BABAM2: variants seen among roughly 807,000 people sequenced by gnomAD.
BABAM2 encodes BRISC and BRCA1 A complex member 2.
Under a neutral mutation model 54.7 loss-of-function variants are expected in BABAM2, and 31 were observed. That is an observed-to-expected ratio of 0.57 (90% CI 0.43 to 0.77). The LOEUF is 0.77. Ranked by LOEUF, BABAM2 falls within the 30% of genes least tolerant of loss-of-function variation. The pLI, the probability that BABAM2 is intolerant of heterozygous loss-of-function variation, is 0.00. For missense variants in BABAM2, 364 were observed against 455.8 expected, an observed-to-expected ratio of 0.80 and a Z score of 1.83; for synonymous variants, 167 against 162.9, an observed-to-expected ratio of 1.03 and a Z score of -0.19.
intron 6 of BABAM2, among the ~76,000 whole-genome samples, chr2:28,125,708 A>G (rs1669466524): frequency 6.6e-6 from 1 of 152,254 alleles, no homozygotes; most frequent in South Asian, 2.1e-4. Flanking sequence ...AAGTTCCACT[A>G]CTAACAAATG....
intron 2 of BABAM2, chr2:27,896,129 G>C (rs1665295333): frequency 6.6e-6 from 1 of 152,132 alleles, no homozygotes; most frequent in Admixed American, 6.5e-5. Flanking sequence ...ACTAGGGCAA[G>C]TTTGCAGGGG....
chr2:28,220,163 G>A (rs1399645867), intron 7 of BABAM2, among the ~76,000 whole-genome samples: 1 of 152,210 alleles, frequency 6.6e-6, no homozygotes. Flanking sequence ...TGTGGTGGGA[G>A]GCAGTGTGTA....
chr2:28,147,225 G>A (rs552092987), intron 7 of BABAM2, among the ~76,000 whole-genome samples: 12 of 152,316 alleles, frequency 7.9e-5, no homozygotes, highest in Middle Eastern at 6.8e-3. Context: ...TGGAGCCTCT[G>A]TTCACACTGT....
chr2:28,326,890 T>C (rs2005181), intron 11 of BABAM2, among the ~76,000 whole-genome samples: 120,014 of 152,012 alleles, frequency 0.79, 49,331 homozygotes, highest in Non-Finnish European at 0.93. Context: ...TTCCCCTTCC[T>C]TGTAATGTTT....
At chr2:28,295,911 C>T (rs576128119) in intron 10 of BABAM2, among the ~76,000 whole-genome samples, 2 of 152,200 alleles carry the variant, frequency 1.3e-5, no homozygotes, top group African/African-American at 4.8e-5. Flanking sequence ...AGTTCAAGAC[C>T]AGCCTGACCA....
chr2:27,892,959 A>C (rs1664986772), intron 1 of BABAM2, among the ~76,000 whole-genome samples: 1 of 152,206 alleles, frequency 6.6e-6, no homozygotes, highest in Non-Finnish European at 1.5e-5. Context: ...AAGTGTTCTT[A>C]TTTTTTGAGC....
intron 5 of BABAM2, among the ~76,000 whole-genome samples, chr2:28,034,678 A>T (rs1409927081): frequency 1.3e-5 from 2 of 152,186 alleles, no homozygotes; most frequent in Non-Finnish European, 2.9e-5. Context: ...GAGGATGGGA[A>T]AACAGATTTC....
intron 2 of BABAM2, chr2:27,895,098 C>T (rs1665183959): frequency 6.4e-6 from 1 of 155,368 alleles, no homozygotes; most frequent in Non-Finnish European, 1.4e-5. Context: ...GGTCATTTCT[C>T]ACAATGGGGT....
intron 5 of BABAM2, among the ~76,000 whole-genome samples, chr2:28,044,041 A>G (rs944023636): frequency 1.2e-4 from 18 of 152,264 alleles, no homozygotes; most frequent in African/African-American, 3.9e-4. Context: ...TGTCTGTCAC[A>G]GGGTTAGGCT....
intron 6 of BABAM2, among the ~76,000 whole-genome samples, chr2:28,049,720 ACT>A (rs1226252373): frequency 6.6e-6 from 1 of 152,224 alleles, no homozygotes; most frequent in Admixed American, 6.5e-5. Flanking sequence ...AGCCCAGGTC[ACT>A]CTGCCAAACA....
rs558699452 is a variant in BABAM2 at position 27,974,730 on chromosome 2, C to T, written c.206-13263C>T. On this transcript the variant is annotated intron_variant, in intron 3 of 11. Transcript: ENST00000379624. ...GTTCACTTTCCCAAATCCTATATAA[C>T]ATAGTACTGGAAGTTGCAGGAAGTC... Among the ~76,000 whole-genome samples, 7 of 152,044 alleles carry T rather than the reference C, an allele frequency of 4.6e-5. No homozygotes were observed. The South Asian group carries it at 1.5e-3, about 32-fold the overall frequency.
intron 3 of BABAM2, among the ~76,000 whole-genome samples, chr2:27,946,288 AAT>A (rs1468015940): frequency 6.6e-6 from 1 of 152,146 alleles, no homozygotes; most frequent in East Asian, 1.9e-4. Flanking sequence ...TTATTCTGTT[AAT>A]ATGATAAATA....
upstream of BABAM2, chr2:27,890,104 G>C (rs1009174557): frequency 1.8e-5 from 11 of 622,002 alleles, no homozygotes; most frequent in African/African-American, 1.9e-4. The surrounding 1 kb of genome is among the most constrained non-coding windows in gnomAD (Gnocchi z 4.8). Flanking sequence ...ATGCCAGGAA[G>C]GTAGGCTGAA....
At chr2:28,204,991 A>G (rs903984274) in intron 7 of BABAM2, among the ~76,000 whole-genome samples, 3 of 151,776 alleles carry the variant, frequency 2.0e-5, no homozygotes, top group Non-Finnish European at 4.4e-5. Flanking sequence ...AAAAAAAACA[A>G]CCTTCTTATT....
intron 7 of BABAM2, among the ~76,000 whole-genome samples, chr2:28,209,309 A>G (rs991492979): frequency 2.6e-5 from 4 of 152,098 alleles, no homozygotes; most frequent in African/African-American, 4.8e-5. Context: ...CATGTTTTCT[A>G]TAGTAGCTGC....
chr2:28,256,070 A>G (rs1683946480), intron 10 of BABAM2, among the ~76,000 whole-genome samples: 1 of 152,222 alleles, frequency 6.6e-6, no homozygotes, highest in Non-Finnish European at 1.5e-5. Flanking sequence ...AAAATAAAAT[A>G]TACTGTGCTA....
chr2:28,109,510 A>G (rs1667818303), intron 6 of BABAM2, among the ~76,000 whole-genome samples: 1 of 152,074 alleles, frequency 6.6e-6, no homozygotes, highest in African/African-American at 2.4e-5. Context: ...CTTAAGGTAC[A>G]TTTGATCCCT....
chr2:28,166,924 G>A (rs1420451654), intron 7 of BABAM2, among the ~76,000 whole-genome samples: 2 of 152,164 alleles, frequency 1.3e-5, no homozygotes, highest in Non-Finnish European at 2.9e-5. Flanking sequence ...ACACCCAGGG[G>A]GAGATATCCA....
At chr2:28,182,237 T>C (rs1309065740) in intron 7 of BABAM2, among the ~76,000 whole-genome samples, 1 of 152,166 alleles carries the variant, frequency 6.6e-6, no homozygotes, top group African/African-American at 2.4e-5. Context: ...TGGGGGAGAA[T>C]AGCGTGTGCA....
Sources: gnomAD v4.1 joint callset for allele counts (sites outside exome capture counted in the v4.1 genomes callset) on GRCh38, gnomAD v4.1.1 for gene constraint, Gnocchi (gnomAD v3.1) non-coding constraint, MANE v1.5 for transcripts, NCBI Gene and HGNC (gene_info 2026-07-23, HGNC 2026-07-21) for gene names.